KLHL29: variants seen among roughly 807,000 people sequenced by gnomAD.
The protein encoded by KLHL29 is kelch like family member 29.
In KLHL29, 21 loss-of-function variants were observed where a neutral mutation model predicts 80.4. The observed-to-expected ratio is 0.26, with a 90% confidence interval of 0.19 to 0.38. The LOEUF (loss-of-function observed/expected upper bound fraction) is 0.38, where lower values mean the gene tolerates loss of function less well. Among genes scored for constraint, KLHL29 ranks in the 10% least tolerant of loss-of-function variants. KLHL29 has a pLI of 1.00. For synonymous variants in KLHL29, 511 were observed against 526.8 expected (o/e 0.97, Z 0.41); for missense variants, 867 against 1,223.9 (o/e 0.71, Z 4.35).
At chr2:23,404,799 G>T (rs1666686049) in intron 1 of KLHL29, among the ~76,000 whole-genome samples, 1 of 152,224 alleles carries the variant, frequency 6.6e-6, no homozygotes, top group Non-Finnish European at 1.5e-5. Flanking sequence ...TTCCCAGAAT[G>T]ACTGGGGACC....
chr2:23,582,855 C>G (rs1453681638), intron 3 of KLHL29, among the ~76,000 whole-genome samples: 2 of 152,098 alleles, frequency 1.3e-5, no homozygotes, highest in African/African-American at 4.8e-5. Flanking sequence ...ATATGTCCAC[C>G]CAGAATATCT....
At chr2:23,459,686 T>C (rs1422244548) in intron 1 of KLHL29, among the ~76,000 whole-genome samples, 1 of 152,192 alleles carries the variant, frequency 6.6e-6, no homozygotes, top group Non-Finnish European at 1.5e-5. Context: ...GACTTGTCGG[T>C]GCATGCACTG....
At chr2:23,611,282 C>T (rs1418881796) in intron 3 of KLHL29, among the ~76,000 whole-genome samples, 2 of 152,144 alleles carry the variant, frequency 1.3e-5, no homozygotes, top group Non-Finnish European at 2.9e-5. Flanking sequence ...TCTTAAGAGA[C>T]AGATGAGAGC....
At chr2:23,598,824 T>A (rs1425958488) in intron 3 of KLHL29, among the ~76,000 whole-genome samples, 1 of 152,178 alleles carries the variant, frequency 6.6e-6, no homozygotes. Flanking sequence ...GTGGCCAGCA[T>A]TGAGATGAGG....
Position 23,696,568 on chromosome 2 carries a change from A to G in KLHL29, c.2105+55A>G. The G allele has an allele frequency of 7.3e-7, 1 of 1,372,794 alleles. No homozygotes were observed. The highest frequency in any genetic ancestry group is 1.4e-5 in the South Asian group (1 of 69,002). 85.0% of individuals were successfully genotyped at this position (1,372,794 alleles called of 1,614,324 possible). On this transcript the variant is annotated intron_variant, in intron 11 of 13. Transcript: ENST00000486442. The surrounding 1 kb of genome is among the most constrained non-coding windows in gnomAD (Gnocchi z 5.5). The stretch of plus-strand genomic sequence containing the variant: ...TGCTCTTTGCTCACCAAGAACTGAA[A>G]TCACGTCACTCACTGTACCTCCCAA...
In KLHL29 at chr2:23,631,780, C is replaced by G. The variant is rs143809522; in HGVS notation, c.286-7359C>G. On this transcript the variant is annotated intron_variant, in intron 3 of 13. Coordinates refer to ENST00000486442, the MANE Select transcript of KLHL29 (RefSeq NM_052920.2). ...GTGGCTCTCAACGTGTCCTTCTGAC[C>G]CCCTGAAACCTAGGCTCAGAACAGA... is the stretch of plus-strand genomic sequence containing the variant. Among the ~76,000 whole-genome samples, 330 of 152,280 alleles carry G rather than the reference C, an allele frequency of 2.2e-3. 2 individuals are homozygous for G. Among genetic ancestry groups the G allele is most frequent in the Middle Eastern group, 6.8e-3 (2 of 294 alleles).
At chr2:23,518,794 C>A (rs1168509873) in intron 2 of KLHL29, among the ~76,000 whole-genome samples, 1 of 152,218 alleles carries the variant, frequency 6.6e-6, no homozygotes, top group East Asian at 1.9e-4. Context: ...TAGGTCTGAG[C>A]CACCCCACAG....
At chr2:23,602,218 C>T (rs541852624) in intron 3 of KLHL29, among the ~76,000 whole-genome samples, 61 of 152,296 alleles carry the variant, frequency 4.0e-4, no homozygotes, top group Middle Eastern at 3.4e-3. Context: ...CCGTGCCCGT[C>T]GGCAAGACAT....
chr2:23,700,587 T>A lies in KLHL29; in HGVS notation c.2106-2599T>A, dbSNP rs913476574. ...CCAGCAAACGCTACAAACCATGACGTTTTCCCTAGAGAGCTGGCTGTTAAA... is the reference window on the plus strand; with the variant it reads ...CCAGCAAACGCTACAAACCATGACGATTTCCCTAGAGAGCTGGCTGTTAAA... On this transcript the variant is annotated intron_variant, in intron 11 of 13. Transcript: ENST00000486442. The surrounding 1 kb of genome is among the most constrained non-coding windows in gnomAD (Gnocchi z 4.6). 6.6e-6 allele frequency among the ~76,000 whole-genome samples: 1 copy of A among 152,136 alleles called. No homozygotes were observed. Among genetic ancestry groups the A allele is most frequent in the African/African-American group, 2.4e-5 (1 of 41,430 alleles).
chr2:23,662,854 A>C (rs1167526419), intron 5 of KLHL29, among the ~76,000 whole-genome samples: 1 of 152,198 alleles, frequency 6.6e-6, no homozygotes, highest in Non-Finnish European at 1.5e-5. Context: ...GGTGAGCAGG[A>C]AGCAATGAAA....
Position 23,626,788 on chromosome 2 carries a change from G to A in KLHL29, c.286-12351G>A, listed in dbSNP as rs1004951927. ...CTGAGGGAGTGGAGCTGTGGTAGCC[G>A]GACCACACAGCACGTGCAGACAGAA... On this transcript the variant is annotated intron_variant, in intron 3 of 13. Coordinates refer to ENST00000486442, the MANE Select transcript of KLHL29 (RefSeq NM_052920.2). 6.6e-5 allele frequency among the ~76,000 whole-genome samples: 10 copies of A among 152,328 alleles called. No individual in the cohort carries two copies. The South Asian group carries it at 1.2e-3, about 19-fold the overall frequency.
At chr2:23,565,829 A>G (rs1018803154) in intron 3 of KLHL29, among the ~76,000 whole-genome samples, 11 of 152,232 alleles carry the variant, frequency 7.2e-5, no homozygotes, top group African/African-American at 2.4e-4. Context: ...AAACTCAGCA[A>G]CTGTCCCTGA....
rs902058699 is a variant in KLHL29 at position 23,669,714 on chromosome 2, C to G, written c.941-14685C>G. On this transcript the variant is annotated intron_variant, in intron 5 of 13. Transcript: ENST00000486442. The surrounding 1 kb of genome is among the most constrained non-coding windows in gnomAD (Gnocchi z 4.3). ...GGCTGCCCTGCCACCCCCAGTCAGC[C>G]TCTGAGCACAGTGGCCGGTGCCCAG... 5.3e-5 allele frequency among the ~76,000 whole-genome samples: 8 copies of G among 152,174 alleles called. No individual in the cohort carries two copies. Among genetic ancestry groups the G allele is most frequent in the Non-Finnish European group, 1.2e-4 (8 of 68,032 alleles).
At chr2:23,572,977 C>T (rs547017666) in intron 3 of KLHL29, among the ~76,000 whole-genome samples, 4 of 152,330 alleles carry the variant, frequency 2.6e-5, no homozygotes, top group South Asian at 2.1e-4. Context: ...CGTGAGCCAC[C>T]GCGCCCGGCC....
At chr2:23,570,261 C>T (rs1667687156) in intron 3 of KLHL29, among the ~76,000 whole-genome samples, 1 of 152,204 alleles carries the variant, frequency 6.6e-6, no homozygotes, top group African/African-American at 2.4e-5. Flanking sequence ...GCTTCCCCTC[C>T]TCTGCTTTCT....
At chr2:23,691,621 C>CTA in intron 6 of KLHL29, 53 bp from the exon 7 acceptor site, 1 of 1,466,812 alleles carries the variant, frequency 6.8e-7, no homozygotes. Context: ...TGTGAGGAAG[C>CTA]GGCACGGTGG....
At chr2:23,518,612 C>G (rs546186770) in intron 2 of KLHL29, among the ~76,000 whole-genome samples, 1 of 152,264 alleles carries the variant, frequency 6.6e-6, no homozygotes, top group East Asian at 1.9e-4. Flanking sequence ...CTGGTGTGGG[C>G]GCTGTAGCAC....
chr2:23,397,728 G>C (rs1468699035), intron 1 of KLHL29, among the ~76,000 whole-genome samples: 2 of 152,186 alleles, frequency 1.3e-5, no homozygotes, highest in East Asian at 3.9e-4. Context: ...TTGGCTGTCA[G>C]GCCAGCACAG....
At chr2:23,420,468 C>T (rs1662767501) in intron 1 of KLHL29, among the ~76,000 whole-genome samples, 1 of 152,224 alleles carries the variant, frequency 6.6e-6, no homozygotes, top group African/African-American at 2.4e-5. Flanking sequence ...CGAGACCGGG[C>T]TGTCTGGAGT....
Sources: allele counts gnomAD v4.1 joint callset (sites outside exome capture counted in the v4.1 genomes callset), GRCh38; gene constraint gnomAD v4.1.1; non-coding constraint Gnocchi (gnomAD v3.1); transcripts MANE v1.5; gene names NCBI Gene and HGNC (gene_info 2026-07-23, HGNC 2026-07-21).